SPON1: variants seen among roughly 807,000 people sequenced by gnomAD.
SPON1 encodes spondin 1.
SPON1 carries 52 observed loss-of-function variants against 111.7 expected under a neutral mutation model. The ratio of observed to expected loss-of-function variants is 0.47; its 90% CI spans 0.37 to 0.59. SPON1 has a LOEUF of 0.59. SPON1 is among the 20% of genes least tolerant of loss of function. The pLI, the probability that SPON1 is intolerant of heterozygous loss-of-function variation, is 0.00. For synonymous variants in SPON1, 410 were observed against 395.8 expected, an observed-to-expected ratio of 1.04 and a Z score of -0.43; for missense variants, 957 against 1,068.5, an observed-to-expected ratio of 0.90 and a Z score of 1.46.
At chr11:14,156,551 A>G (rs1255476752) in intron 6 of SPON1, among the ~76,000 whole-genome samples, 2 of 151,488 alleles carry the variant, frequency 1.3e-5, no homozygotes, top group East Asian at 3.9e-4. Context: ...TTGGTGTTTT[A>G]GACATGAAGT....
intron 6 of SPON1, among the ~76,000 whole-genome samples, chr11:14,162,338 T>C (rs1847976287): frequency 6.6e-6 from 1 of 152,172 alleles, no homozygotes; most frequent in Non-Finnish European, 1.5e-5. Flanking sequence ...AGAGCAGAAG[T>C]TGATTACTAT....
intron 2 of SPON1, among the ~76,000 whole-genome samples, chr11:14,011,926 C>T (rs1342225530): frequency 6.6e-6 from 1 of 152,182 alleles, no homozygotes; most frequent in Non-Finnish European, 1.5e-5. Flanking sequence ...CACAATTCTT[C>T]AAACCTCAGT....
rs1045081662 is a variant in SPON1 at position 14,228,528 on chromosome 11, G to A, written c.826-14804G>A. Among the ~76,000 whole-genome samples, 2 of 152,224 alleles carry A rather than the reference G, an allele frequency of 1.3e-5. No individual in the cohort carries two copies. The highest frequency in any genetic ancestry group is 4.8e-5 in the African/African-American group (2 of 41,452). On this transcript the variant is annotated intron_variant, in intron 6 of 15. Transcript: ENST00000576479. The surrounding 1 kb of genome is among the most constrained non-coding windows in gnomAD (Gnocchi z 4.2). ...TACCAACCAACTCACTGGGCTGGGT[G>A]GCTCTTCAGAGTTGTCCTGCCTTGG...
intron 6 of SPON1, among the ~76,000 whole-genome samples, chr11:14,179,008 C>G (rs1377014444): frequency 6.6e-6 from 1 of 151,986 alleles, no homozygotes; most frequent in African/African-American, 2.4e-5. Flanking sequence ...GAGTGCAGCA[C>G]TTTTATACCA....
chr11:14,208,646 A>T (rs1335483492), intron 6 of SPON1, among the ~76,000 whole-genome samples: 1 of 152,174 alleles, frequency 6.6e-6, no homozygotes, highest in Non-Finnish European at 1.5e-5. Flanking sequence ...AAAAGTATGC[A>T]TTTAACTCTT....
At chr11:14,063,522 T>G (rs1164461790) in intron 3 of SPON1, among the ~76,000 whole-genome samples, 1 of 152,172 alleles carries the variant, frequency 6.6e-6, no homozygotes, top group Non-Finnish European at 1.5e-5. Flanking sequence ...CATGTCCGGA[T>G]TTTGTAGCTT....
At chr11:14,031,220 G>A (rs930499797) in intron 2 of SPON1, among the ~76,000 whole-genome samples, 9 of 152,138 alleles carry the variant, frequency 5.9e-5, no homozygotes, top group Admixed American at 3.3e-4. Context: ...AGATTAATGG[G>A]GAAAGGTCTG....
At chr11:14,204,374 C>T (rs1473345315) in intron 6 of SPON1, among the ~76,000 whole-genome samples, 2 of 152,146 alleles carry the variant, frequency 1.3e-5, no homozygotes, top group African/African-American at 4.8e-5. Context: ...CTTGACCTCC[C>T]TGGCTCAAGT....
intron 2 of SPON1, among the ~76,000 whole-genome samples, chr11:13,997,780 C>T (rs538447102): frequency 1.3e-5 from 2 of 152,232 alleles, no homozygotes; most frequent in Admixed American, 6.5e-5. Flanking sequence ...ATACATGATG[C>T]GCAAACAAAA....
chr11:14,177,872 C>A (rs1848194790), intron 6 of SPON1, among the ~76,000 whole-genome samples: 2 of 152,316 alleles, frequency 1.3e-5, no homozygotes, highest in Non-Finnish European at 2.9e-5. Context: ...AGATCTGTTT[C>A]ACTGTCTCAG....
intron 2 of SPON1, among the ~76,000 whole-genome samples, chr11:14,000,680 C>G (rs1564883098): frequency 6.6e-6 from 1 of 152,106 alleles, no homozygotes; most frequent in Non-Finnish European, 1.5e-5. Context: ...CAGCTGACAC[C>G]CTCAGGACTT....
At chr11:14,114,418 C>T (rs1849251388) in intron 5 of SPON1, among the ~76,000 whole-genome samples, 1 of 151,848 alleles carries the variant, frequency 6.6e-6, no homozygotes, top group Non-Finnish European at 1.5e-5. Context: ...AATTACATCA[C>T]CCTGTGTAAT....
chr11:13,976,819 C>T (rs1848107066), intron 1 of SPON1, among the ~76,000 whole-genome samples: 1 of 152,202 alleles, frequency 6.6e-6, no homozygotes, highest in Admixed American at 6.5e-5. Flanking sequence ...AGCTCTTCAG[C>T]AGCATCCCTT....
At chr11:14,242,571 C>G (rs931192389) in intron 6 of SPON1, among the ~76,000 whole-genome samples, 3 of 152,160 alleles carry the variant, frequency 2.0e-5, no homozygotes, top group African/African-American at 4.8e-5. Flanking sequence ...ACCCCTCACC[C>G]GCAGTGTGTA....
intron 3 of SPON1, among the ~76,000 whole-genome samples, chr11:14,071,221 G>A (rs1221883199): frequency 6.6e-6 from 1 of 152,040 alleles, no homozygotes; most frequent in Non-Finnish European, 1.5e-5. Flanking sequence ...CATTTTCTCA[G>A]AATATAAAAT....
At chr11:13,987,660 T>G (rs1848195902) in intron 2 of SPON1, among the ~76,000 whole-genome samples, 2 of 152,220 alleles carry the variant, frequency 1.3e-5, no homozygotes, top group South Asian at 4.1e-4. Context: ...GCTCAGGTTT[T>G]CTTCTAGGAT....
intron 5 of SPON1, among the ~76,000 whole-genome samples, chr11:14,100,244 A>C (rs1849133112): frequency 6.6e-6 from 1 of 152,092 alleles, no homozygotes; most frequent in African/African-American, 2.4e-5. Flanking sequence ...GTGACACACA[A>C]GTATAATTAG....
intron 6 of SPON1, among the ~76,000 whole-genome samples, chr11:14,207,469 A>G (rs1047054727): frequency 1.1e-4 from 17 of 152,236 alleles, no homozygotes; most frequent in African/African-American, 4.1e-4. Flanking sequence ...GCATCCAACA[A>G]AGGTCTAATA....
intron 5 of SPON1, among the ~76,000 whole-genome samples, chr11:14,121,997 C>T (rs1011581867): frequency 1.3e-5 from 2 of 151,290 alleles, no homozygotes; most frequent in Non-Finnish European, 1.5e-5. Context: ...TGTCTTTTAT[C>T]GCTTTTTGTT....
Sources: gnomAD v4.1 joint callset for allele counts (sites outside exome capture counted in the v4.1 genomes callset) on GRCh38, gnomAD v4.1.1 for gene constraint, Gnocchi (gnomAD v3.1) non-coding constraint, MANE v1.5 for transcripts, NCBI Gene and HGNC (gene_info 2026-07-23, HGNC 2026-07-21) for gene names.